ESRRG: variants seen among roughly 807,000 people sequenced by gnomAD.
The protein encoded by ESRRG is estrogen-related receptor gamma.
Under a neutral mutation model 44.0 loss-of-function variants are expected in ESRRG, and 13 were observed. The observed-to-expected ratio is 0.30, with a 90% CI of 0.19 to 0.47. The LOEUF is 0.47. ESRRG is among the 20% of genes least tolerant of loss of function. The pLI, the probability that ESRRG is intolerant of heterozygous loss-of-function variation, is 1.00. For missense variants in ESRRG, 395 were observed against 580.6 expected (o/e 0.68, Z 3.29); for synonymous variants, 215 against 214.6 (o/e 1.00, Z -0.02).
chr1:217,104,665 G>C (rs1451337320), intron 1 of ESRRG, among the ~76,000 whole-genome samples: 1 of 152,168 alleles, frequency 6.6e-6, no homozygotes, highest in Non-Finnish European at 1.5e-5. Flanking sequence ...CACAGAACTG[G>C]AATGTAGGTA....
chr1:216,918,633 G>A (rs968601864), intron 2 of ESRRG, among the ~76,000 whole-genome samples: 6 of 151,912 alleles, frequency 3.9e-5, no homozygotes, highest in East Asian at 1.9e-4. Flanking sequence ...AAATAAAGAC[G>A]ATAATGACCT....
At chr1:217,056,712 T>C (rs974046370) in intron 1 of ESRRG, among the ~76,000 whole-genome samples, 2 of 150,540 alleles carry the variant, frequency 1.3e-5, no homozygotes, top group African/African-American at 2.5e-5. Context: ...ACTACACAAA[T>C]AGAGCAACTA....
intron 2 of ESRRG, among the ~76,000 whole-genome samples, chr1:216,779,428 T>A (rs181606475): frequency 0.066 from 1,406 of 21,414 alleles, 48 homozygotes; most frequent in African/African-American, 0.16. Flanking sequence ...ATTTATAAAT[T>A]TATTTATAAA....
At chr1:216,735,987 A>AAAATAT (rs1453476198) in intron 2 of ESRRG, among the ~76,000 whole-genome samples, 1 of 137,092 alleles carries the variant, frequency 7.3e-6, no homozygotes. Flanking sequence ...CTCAAAAAAA[A>AAAATAT]ATATATATAT....
At chr1:216,639,153 G>A (rs1177219404) in intron 3 of ESRRG, among the ~76,000 whole-genome samples, 3 of 152,086 alleles carry the variant, frequency 2.0e-5, no homozygotes, top group African/African-American at 4.8e-5. Flanking sequence ...GAGTAGGGAG[G>A]GGACCATTAT....
At chr1:217,004,227 T>G (rs1241860968) in intron 1 of ESRRG, among the ~76,000 whole-genome samples, 1 of 152,174 alleles carries the variant, frequency 6.6e-6, no homozygotes, top group Admixed American at 6.5e-5. Flanking sequence ...GAAAGAAGAA[T>G]GGATTACTGA....
At chr1:216,810,872 GATATAC>G (rs1329951140) in intron 2 of ESRRG, among the ~76,000 whole-genome samples, 5 of 150,026 alleles carry the variant, frequency 3.3e-5, no homozygotes, top group Non-Finnish European at 5.9e-5. Context: ...ATAACGTTAT[GATATAC>G]ATATACATAT....
intron 3 of ESRRG, among the ~76,000 whole-genome samples, chr1:216,618,966 C>T: frequency 6.6e-6 from 1 of 152,364 alleles, no homozygotes; most frequent in East Asian, 1.9e-4. Flanking sequence ...AATACATCCA[C>T]TAGAACCCTG....
chr1:216,815,879 T>C (rs1245126729), intron 2 of ESRRG, among the ~76,000 whole-genome samples: 1 of 152,190 alleles, frequency 6.6e-6, no homozygotes. Flanking sequence ...CAGGGGTCTA[T>C]TGGCCATATG....
At chr1:216,601,323 G>C (rs546171944) in intron 3 of ESRRG, among the ~76,000 whole-genome samples, 42 of 152,216 alleles carry the variant, frequency 2.8e-4, no homozygotes, top group Admixed American at 2.4e-3. Flanking sequence ...AGCCACCGCG[G>C]AGGGCGCTGC....
Position 216,730,796 on chromosome 1 carries a change from G to A in ESRRG, c.-13-53305C>T, listed in dbSNP as rs199928238. On this transcript the variant is annotated intron_variant, in intron 2 of 7. Transcript: ENST00000359162. ...TAGGTAAATGGTGAGGCGGAAAGTT[G>A]GTAGAAAAAGATAAAAAGAGGAAAA... Among the ~76,000 whole-genome samples the A allele has an allele frequency of 1.4e-4, 21 of 152,178 alleles. No individual in the cohort carries two copies. The East Asian group carries it at 3.7e-3, about 27-fold the overall frequency.
At chr1:216,555,969 T>C (rs769735953) in intron 5 of ESRRG, among the ~76,000 whole-genome samples, 24 of 151,788 alleles carry the variant, frequency 1.6e-4, no homozygotes, top group Non-Finnish European at 3.5e-4. Context: ...GGAGAGAGGG[T>C]CAAAAAGGAG....
At chr1:216,616,914 A>G (rs1348686225) in intron 3 of ESRRG, among the ~76,000 whole-genome samples, 1 of 152,184 alleles carries the variant, frequency 6.6e-6, no homozygotes, top group Admixed American at 6.5e-5. Context: ...AGATATGCAT[A>G]GACAGCTAAT....
At chr1:217,066,145 T>C (rs1372916148) in intron 1 of ESRRG, among the ~76,000 whole-genome samples, 1 of 152,240 alleles carries the variant, frequency 6.6e-6, no homozygotes, top group African/African-American at 2.4e-5. Flanking sequence ...TGTGGCTCAA[T>C]TAGCCACAAC....
At chr1:216,716,404 T>C (rs934452986) in intron 1 of ESRRG, among the ~76,000 whole-genome samples, 3 of 151,994 alleles carry the variant, frequency 2.0e-5, no homozygotes, top group Non-Finnish European at 4.4e-5. Context: ...TAGCTTCCCT[T>C]TTATTTAGTA....
intron 3 of ESRRG, among the ~76,000 whole-genome samples, chr1:216,604,113 G>A (rs999155867): frequency 2.6e-5 from 4 of 152,094 alleles, no homozygotes; most frequent in Non-Finnish European, 2.9e-5. Flanking sequence ...ACAGTGAATC[G>A]GAAACCACAG....
Position 216,669,894 on chromosome 1 carries a change from GA to G in ESRRG, c.472+7181del, listed in dbSNP as rs57887484. 1.2e-4 allele frequency among the ~76,000 whole-genome samples: 18 copies of G among 148,688 alleles called. No individual in the cohort carries two copies. The South Asian group carries it at 1.5e-3, about 12-fold the overall frequency. ...GAAAGAGACTCTGTCTCAAAAAAAA[GA>G]AAAAAAAAAGTTAAAGCAATGAATT... is the stretch of plus-strand genomic sequence containing the variant. On this transcript the variant is annotated intron_variant, in intron 2 of 6. Transcript: ENST00000408911.
chr1:217,048,743 A>G (rs1246329804), intron 1 of ESRRG, among the ~76,000 whole-genome samples: 1 of 152,200 alleles, frequency 6.6e-6, no homozygotes, highest in Admixed American at 6.5e-5. Context: ...AGAACTTACG[A>G]GGAAAATCAG....
intron 2 of ESRRG, among the ~76,000 whole-genome samples, chr1:216,770,506 CATCAG>C (rs2093337197): frequency 6.6e-6 from 1 of 152,064 alleles, no homozygotes; most frequent in South Asian, 2.1e-4. Flanking sequence ...CTCCACCTAA[CATCAG>C]ATCAGAGTAG....
Sources: gnomAD v4.1 joint callset for allele counts (sites outside exome capture counted in the v4.1 genomes callset) on GRCh38, gnomAD v4.1.1 for gene constraint, MANE v1.5 for transcripts, NCBI Gene and HGNC (gene_info 2026-07-23, HGNC 2026-07-21) for gene names.